Variants in CAMSAP1 observed in about 807,000 individuals in gnomAD.
The protein encoded by CAMSAP1 is calmodulin-regulated spectrin-associated protein 1.
Under a neutral mutation model 143.5 loss-of-function variants are expected in CAMSAP1, and 58 were observed. The observed-to-expected ratio is 0.40, with a 90% CI of 0.33 to 0.50. The LOEUF is 0.50. Ranked by LOEUF, CAMSAP1 falls within the 20% of genes least tolerant of loss-of-function variation. The pLI is 0.45. For missense variants in CAMSAP1, 1,969 were observed against 2,115.7 expected (o/e 0.93, Z 1.36); for synonymous variants, 945 against 859.3 (o/e 1.10, Z -1.74).
In CAMSAP1 at chr9:135,894,042, C is replaced by T. The variant is rs35275413; in HGVS notation, c.161-10964G>A. Among the ~76,000 whole-genome samples the T allele has an allele frequency of 2.6e-5, 4 of 152,246 alleles. No individual in the cohort carries two copies. In the East Asian group the frequency reaches 7.7e-4, roughly 29 times the overall value. On this transcript the variant is annotated intron_variant, in intron 1 of 16. Transcript: ENST00000389532. ...GACACAGGCCTGATGCTTCCTGACT[C>T]CCTGCCTAGCAACAGAGGCAACCCA...
chr9:135,897,791 C>G (rs746651786), intron 1 of CAMSAP1, among the ~76,000 whole-genome samples: 10 of 152,162 alleles, frequency 6.6e-5, no homozygotes, highest in Non-Finnish European at 1.5e-4. Context: ...CTCAGAACAG[C>G]ATGCGATTTA....
Position 135,840,229 on chromosome 9 carries a change from G to C in CAMSAP1, c.1045+9908C>G, listed in dbSNP as rs1032365253. On this transcript the variant is annotated intron_variant, in intron 7 of 16. Transcript: ENST00000389532. ...GTTGGCAGTAGGACCCACTGCACAG[G>C]GCCCCACATAATACTGTATCAGACC... is the stretch of plus-strand genomic sequence containing the variant. 2.0e-5 allele frequency among the ~76,000 whole-genome samples: 3 copies of C among 152,166 alleles called. 1 individual carries two copies. The highest frequency in any genetic ancestry group is 1.5e-5 in the Non-Finnish European group (1 of 68,028).
rs1295316671 is a variant in CAMSAP1, at chr9:135,824,371, A to G, written c.1316-337T>C. Reference sequence around the variant, plus strand: ...AATTTATTTGGCTACAGTCTTAACTAAAATCACTACATCAGCCGGGCACAG... The same window carrying G: ...AATTTATTTGGCTACAGTCTTAACTGAAATCACTACATCAGCCGGGCACAG... On this transcript the variant is annotated intron_variant, in intron 9 of 16. Coordinates refer to ENST00000389532, the MANE Select transcript of CAMSAP1 (RefSeq NM_015447.4). This position sits in a 1 kb window ranked among gnomAD's most constrained non-coding sequence, Gnocchi z 4.1. 2.6e-5 allele frequency among the ~76,000 whole-genome samples: 4 copies of G among 152,224 alleles called. No homozygotes were observed. The highest frequency in any genetic ancestry group is 4.8e-5 in the African/African-American group (2 of 41,460).
chr9:135,846,458 A>G (rs941069788), intron 7 of CAMSAP1, among the ~76,000 whole-genome samples: 4 of 152,200 alleles, frequency 2.6e-5, no homozygotes, highest in Non-Finnish European at 1.5e-5. Flanking sequence ...ACCATTCAGG[A>G]CACAGGCATG....
intron 1 of CAMSAP1, among the ~76,000 whole-genome samples, chr9:135,895,296 A>T (rs995129830): frequency 2.6e-5 from 4 of 152,234 alleles, no homozygotes; most frequent in Non-Finnish European, 5.9e-5. Context: ...ACACATCATG[A>T]CTAAACTTCT....
intron 7 of CAMSAP1, among the ~76,000 whole-genome samples, chr9:135,833,748 A>AT (rs1357616523): frequency 6.6e-6 from 1 of 152,228 alleles, no homozygotes; most frequent in Admixed American, 6.5e-5. Flanking sequence ...GCTCCTTGAC[A>AT]TTAGCCTTGG....
chr9:135,862,408 C>A, intron 5 of CAMSAP1, 59 bp downstream of exon 5: 2 of 1,493,112 alleles, frequency 1.3e-6, no homozygotes, highest in Non-Finnish European at 9.1e-7. Context: ...GATCAATGTA[C>A]ACTATAATTT....
At chr9:135,866,686 G>C (rs1837390592) in intron 3 of CAMSAP1, 150 bp from the exon 4 acceptor site, 1 of 576,620 alleles carries the variant, frequency 1.7e-6, no homozygotes, top group Non-Finnish European at 3.1e-6. Flanking sequence ...AGATACAGAA[G>C]TACACGGATT....
chr9:135,855,770 A>G (rs1206628437), intron 5 of CAMSAP1, among the ~76,000 whole-genome samples: 1 of 144,226 alleles, frequency 6.9e-6, no homozygotes, highest in African/African-American at 2.6e-5. Flanking sequence ...AAAAAAAAAA[A>G]GGCCGGGTGC....
At chr9:135,884,131 TG>T (rs1414408292) in intron 1 of CAMSAP1, among the ~76,000 whole-genome samples, 2 of 152,114 alleles carry the variant, frequency 1.3e-5, no homozygotes, top group Non-Finnish European at 2.9e-5. Flanking sequence ...CCCAACACTC[TG>T]CTAGGAGGTG....
intron 3 of CAMSAP1, 79 bp downstream of exon 3, chr9:135,881,554 C>G (rs1837949522): frequency 6.8e-7 from 1 of 1,475,384 alleles, no homozygotes; most frequent in Non-Finnish European, 9.2e-7. Flanking sequence ...GCGTGACAGA[C>G]AAGGTGTGCT....
At position 135,818,613 on chromosome 9, in the gene CAMSAP1, G is replaced by A; in HGVS notation, c.3963C>T (p.Arg1321=). The A allele has an allele frequency of 3.1e-6, 5 of 1,612,944 alleles. No individual in the cohort carries two copies. Among genetic ancestry groups the A allele is most frequent in the Non-Finnish European group, 4.2e-6 (5 of 1,179,700 alleles). The change falls in exon 13 of 17, where the codon CGC becomes CGT. Residue 1321 remains arginine, a synonymous_variant. Transcript: ENST00000389532. The surrounding 1 kb of genome is among the most constrained non-coding windows in gnomAD (Gnocchi z 7.7). ...EVELKRDEAR[R]KAEEDRVRKE... The stretch of plus-strand genomic sequence containing the variant: ...TCCGCACCCGGTCTTCCTCAGCTTT[G>A]CGCCTGAGAGAAACACACGCCCAGA...
chr9:135,888,771 G>A (rs994005752), intron 1 of CAMSAP1, among the ~76,000 whole-genome samples: 1 of 152,214 alleles, frequency 6.6e-6, no homozygotes, highest in Non-Finnish European at 1.5e-5. Context: ...AGTAGTCCAC[G>A]CCCCAGCTCC....
chr9:135,828,347 A>C (rs552489577), intron 7 of CAMSAP1, among the ~76,000 whole-genome samples: 2 of 152,304 alleles, frequency 1.3e-5, no homozygotes, highest in South Asian at 4.1e-4. Context: ...AACATGGAGG[A>C]GGGAAGTAAG....
chr9:135,831,422 C>T (rs1024621397), intron 7 of CAMSAP1, among the ~76,000 whole-genome samples: 3 of 151,534 alleles, frequency 2.0e-5, no homozygotes, highest in African/African-American at 7.3e-5. Flanking sequence ...CTGCTTGAGG[C>T]CAGGAGTTCA....
chr9:135,819,645 C>T (rs1235759663), intron 11 of CAMSAP1, among the ~76,000 whole-genome samples: 1 of 149,082 alleles, frequency 6.7e-6, no homozygotes, highest in East Asian at 2.0e-4. Context: ...ACCAGCCTGG[C>T]CGACATGGCG....
At chr9:135,842,925 T>C (rs1283054296) in intron 7 of CAMSAP1, among the ~76,000 whole-genome samples, 1 of 152,184 alleles carries the variant, frequency 6.6e-6, no homozygotes, top group Non-Finnish European at 1.5e-5. Flanking sequence ...ATGAAGAAAC[T>C]GCATCAACTA....
At position 135,815,980 on chromosome 9, in the gene CAMSAP1, T is replaced by C. The variant is rs746577186; in HGVS notation, c.4297A>G (p.Ile1433Val). The change falls in exon 15 of 17, where the codon ATA becomes GTA. Residue 1433 changes from isoleucine to valine, a missense_variant. Physicochemically the swap from Ile to Val is conservative, Grantham distance 29. This residue lies in a region of CAMSAP1 where 1,390 missense variants were observed against 1,420.8 expected (regional missense o/e 0.98). Transcript: ENST00000389532. ...CTCCTGCTTGGGTTACGGCTCAGTA[T>C]GGGCAGGGCTTCCATCGATTCCACT... ...QRVESMEALPILSRNPSRSTD... is the reference protein window; with the variant it reads ...QRVESMEALPVLSRNPSRSTD... The C allele has an allele frequency of 1.8e-5, 29 of 1,613,754 alleles. 1 individual carries two copies. The highest frequency in any genetic ancestry group is 1.8e-4 in the South Asian group (16 of 91,082).
At chr9:135,874,490 G>GGGC (rs1554797547) in intron 3 of CAMSAP1, among the ~76,000 whole-genome samples, 1 of 119,276 alleles carries the variant, frequency 8.4e-6, no homozygotes, top group African/African-American at 3.1e-5. Context: ...GGGGGGGGGG[G>GGGC]CCACAGGGGC....
Sources: allele counts gnomAD v4.1 joint callset (sites outside exome capture counted in the v4.1 genomes callset), GRCh38; gene constraint gnomAD v4.1.1; regional missense constraint gnomAD v4.1.1; non-coding constraint Gnocchi (gnomAD v3.1); transcripts MANE v1.5; gene names NCBI Gene and HGNC (gene_info 2026-07-23, HGNC 2026-07-21).